Variants in MRPL20 observed in about 807,000 individuals in gnomAD.
MRPL20 encodes mitochondrial ribosomal protein L20.
In MRPL20, 21 loss-of-function variants were observed where a neutral mutation model predicts 20.0. The observed-to-expected ratio is 1.05, with a 90% CI of 0.74 to 1.51. The LOEUF is 1.51. MRPL20 is among the 40% of genes most tolerant of loss of function. MRPL20 has a pLI of 0.00. For synonymous variants in MRPL20, 104 were observed against 73.0 expected, an observed-to-expected ratio of 1.43 and a Z score of -2.17; for missense variants, 252 against 185.6, an observed-to-expected ratio of 1.36 and a Z score of -2.08.
At chr1:1,404,479 G>A (rs988297855) in intron 3 of MRPL20, among the ~76,000 whole-genome samples, 3 of 151,414 alleles carry the variant, frequency 2.0e-5, no homozygotes, top group Non-Finnish European at 4.4e-5. Flanking sequence ...ATTAAACTTT[G>A]AAGTTAAAGT....
intron 2 of MRPL20, chr1:1,406,233 C>A: frequency 4.4e-6 from 1 of 228,288 alleles, no homozygotes; most frequent in Non-Finnish European, 8.8e-6. Flanking sequence ...CACCTGCAGT[C>A]ACAGTTACTC....
rs756520442 is a variant in MRPL20, at chr1:1,402,158, G to A, written c.375C>T (p.His125=). 6.8e-6 allele frequency: 11 copies of A among 1,613,956 alleles called. No homozygotes were observed. In the South Asian group the frequency reaches 7.7e-5, roughly 11 times the overall value. Residue 125 remains histidine, a synonymous_variant, in exon 4 of 4, where the codon CAC becomes CAT. Transcript: ENST00000344843. ...SLAALASRRR[H]EGFAAALGDG... Reference sequence around the variant, plus strand: ...CCCCCAAGGCAGCAGCAAATCCTTCGTGTCGCCTCCTACTGGCCAAGGCAG... The same window carrying A: ...CCCCCAAGGCAGCAGCAAATCCTTCATGTCGCCTCCTACTGGCCAAGGCAG...
rs776934098 is a variant in MRPL20 at position 1,407,057 on chromosome 1, GCC to G, written c.88-40_88-39del. ...ACGAGAAACCAGGGTTGTCAGCGGG[GCC>G]CGCGCCGGCCGCCCCTTGGCCCGCG... On this transcript the variant is annotated intron_variant, in intron 1 of 3. Transcript: ENST00000344843. The G allele has an allele frequency of 2.0e-4, 318 of 1,609,598 alleles. 1 individual carries two copies. The African/African-American group carries it at 4.0e-3, about 20-fold the overall frequency.
intron 3 of MRPL20, 85 bp downstream of exon 3, chr1:1,405,724 G>C: frequency 1.2e-6 from 2 of 1,611,152 alleles, no homozygotes; most frequent in Non-Finnish European, 1.7e-6. Context: ...TGATTAGCTG[G>C]GACTACAGGA....
chr1:1,403,112 G>C (rs1217953597), intron 3 of MRPL20, among the ~76,000 whole-genome samples: 4 of 138,746 alleles, frequency 2.9e-5, no homozygotes, highest in African/African-American at 1.2e-4. Context: ...CTGAGCAACA[G>C]AGTGAGATTG....
chr1:1,406,796 A>G lies in MRPL20; in HGVS notation c.198+113T>C. The G allele has an allele frequency of 4.5e-6, 4 of 893,042 alleles. No homozygotes were observed. The East Asian group carries it at 7.3e-5, about 16-fold the overall frequency. 55.3% of individuals were successfully genotyped at this position (893,042 alleles called of 1,614,324 possible). A position where few individuals can be genotyped will look rare whatever the true frequency, so the allele number is the denominator to read the frequency against. ...ATTTGTCGGAGTTTCGAAGCAAGGT[A>G]TGAAAGGAAGGGGCTGAGGGTGGCC... is the stretch of plus-strand genomic sequence containing the variant. On this transcript the variant is annotated intron_variant, in intron 2 of 3. Coordinates refer to ENST00000344843, the MANE Select transcript of MRPL20 (RefSeq NM_017971.4).
At position 1,406,936 on chromosome 1, in the gene MRPL20, T is replaced by C; in HGVS notation, c.171A>G (p.Arg57=). The C allele has an allele frequency of 6.2e-7, 1 of 1,613,704 alleles. No individual in the cohort carries two copies. Among genetic ancestry groups the C allele is most frequent in the Admixed American group, 1.7e-5 (1 of 60,012 alleles). ...TCCTCATGTTCTTTTTCTTCAGGTA[T>C]CGGGCTTTGGTGCATTTCACAAAGG... ...IRAFVKCTKA[R]YLKKKNMRTL... Residue 57 remains arginine, a synonymous_variant, in exon 2 of 4, where the codon CGA becomes CGG. Transcript: ENST00000344843.
intron 3 of MRPL20, among the ~76,000 whole-genome samples, chr1:1,404,516 T>G (rs1244719415): frequency 6.6e-6 from 1 of 151,712 alleles, no homozygotes; most frequent in African/African-American, 2.4e-5. Flanking sequence ...TTTTTTTTTT[T>G]TTGAGACAGA....
At chr1:1,405,720 G>A (rs1557751115) in intron 3 of MRPL20, 89 bp downstream of exon 3, 2 of 1,607,528 alleles carry the variant, frequency 1.2e-6, no homozygotes, top group Non-Finnish European at 1.7e-6. Context: ...CTCCTGATTA[G>A]CTGGGACTAC....
chr1:1,401,945 A>G lies in MRPL20; in HGVS notation c.*138T>C. 1 of 987,362 alleles carries G rather than the reference A, an allele frequency of 1.0e-6. No homozygotes were observed. The highest frequency in any genetic ancestry group is 1.5e-6 in the Non-Finnish European group (1 of 673,832). The allele number at this position is 987,362 out of a possible 1,614,324, so 61.2% of individuals were successfully genotyped here. Reference sequence around the variant, plus strand: ...TGAGTTTCATTCACACAAAACATGGACATCATCTGTGAGGCTCTGTCCCAG... The same window carrying G: ...TGAGTTTCATTCACACAAAACATGGGCATCATCTGTGAGGCTCTGTCCCAG... On this transcript the variant is annotated 3_prime_UTR_variant, in exon 4 of 4. Coordinates refer to ENST00000344843, the MANE Select transcript of MRPL20 (RefSeq NM_017971.4).
chr1:1,406,596 G>A (rs1025525440), intron 2 of MRPL20: 4 of 400,506 alleles, frequency 1.0e-5, no homozygotes, highest in Non-Finnish European at 1.9e-5. Flanking sequence ...CAAAGGGAAG[G>A]GAAGCCACCG....
intron 3 of MRPL20, chr1:1,402,673 G>A (rs1041099088): frequency 3.9e-5 from 37 of 950,596 alleles, no homozygotes; most frequent in Middle Eastern, 5.3e-4. Context: ...AAGGGGGGCC[G>A]TCTCTTTGAG....
intron 1 of MRPL20, 52 bp from the exon 2 acceptor site, chr1:1,407,071 C>A: frequency 6.2e-7 from 1 of 1,608,456 alleles, no homozygotes; most frequent in Non-Finnish European, 8.5e-7. Flanking sequence ...GCGCCGGCCG[C>A]CCCTTGGCCC....
chr1:1,405,429 C>A (rs1474804684), intron 3 of MRPL20: 2 of 588,472 alleles, frequency 3.4e-6, no homozygotes, highest in East Asian at 5.6e-5. Flanking sequence ...TGTCTCTGTA[C>A]CACCACACCC....
At chr1:1,405,644 G>A (rs1416966551) in intron 3 of MRPL20, 165 bp downstream of exon 3, 1 of 1,230,786 alleles carries the variant, frequency 8.1e-7, no homozygotes, top group Non-Finnish European at 1.2e-6. Context: ...CACTTAACAT[G>A]GACACCCCAT....
intron 3 of MRPL20, chr1:1,402,655 G>C: frequency 1.0e-6 from 1 of 985,282 alleles, no homozygotes; most frequent in Non-Finnish European, 1.2e-6. Flanking sequence ...AGAGTTTAAG[G>C]AGTAGAAAAG....
intron 3 of MRPL20, 120 bp from the exon 4 acceptor site, chr1:1,402,376 C>A: frequency 2.8e-6 from 4 of 1,426,760 alleles, no homozygotes; most frequent in Non-Finnish European, 3.7e-6. Flanking sequence ...GAGGGAAGGC[C>A]TAGGAGAATC....
intron 3 of MRPL20, chr1:1,405,067 G>A: frequency 6.5e-6 from 1 of 153,858 alleles, no homozygotes; most frequent in Non-Finnish European, 1.4e-5. Context: ...TCGGCTCACT[G>A]CAGCCTCCGC....
chr1:1,404,421 T>C (rs969826321), intron 3 of MRPL20, among the ~76,000 whole-genome samples: 1 of 152,070 alleles, frequency 6.6e-6, no homozygotes, highest in Non-Finnish European at 1.5e-5. Context: ...CCCAAAGTGC[T>C]GGGATTACAG....
Sources: allele counts gnomAD v4.1 joint callset (sites outside exome capture counted in the v4.1 genomes callset), GRCh38; gene constraint gnomAD v4.1.1; transcripts MANE v1.5; gene names NCBI Gene and HGNC (gene_info 2026-07-23, HGNC 2026-07-21).